The following PRDM10 variants were observed in gnomAD, a reference collection of about 807,000 sequenced individuals.
The protein encoded by PRDM10 is PR/SET domain 10, also known as PR domain zinc finger protein 10.
Under a neutral mutation model 133.1 loss-of-function variants are expected in PRDM10, and 65 were observed. The ratio of observed to expected loss-of-function variants is 0.49; its 90% CI spans 0.40 to 0.60. The LOEUF is 0.60. Among genes scored for constraint, PRDM10 ranks in the 20% least tolerant of loss-of-function variants. The pLI, the probability that PRDM10 is intolerant of heterozygous loss-of-function variation, is 0.00. For synonymous variants in PRDM10, 582 were observed against 580.4 expected (o/e 1.00, Z -0.04); for missense variants, 1,137 against 1,507.1 (o/e 0.75, Z 4.07).
chr11:129,944,878 C>G lies in PRDM10; in HGVS notation c.655G>C (p.Gly219Arg), dbSNP rs1182285929. ...PLVLYIDRFL[G>R]GVFSKRRIPK... is the part of the protein sequence containing the mutation. The stretch of plus-strand genomic sequence containing the variant: ...ATGCGCCGCTTGGAGAACACCCCGC[C>G]CAGAAACCTGTCTATGTAGAGCACC... The change falls in exon 6 of 21, where the codon GGC becomes CGC. Residue 219 changes from glycine to arginine, a missense_variant. By Grantham distance (125) the Gly-to-Arg change is moderately radical. Around this residue, in one of 6 missense-constraint regions of PRDM10, gnomAD observed 635 missense variants for 835.2 expected, o/e 0.76. Transcript: ENST00000360871. The G allele has an allele frequency of 6.2e-7, 1 of 1,614,160 alleles. No individual in the cohort carries two copies. The highest frequency in any genetic ancestry group is 1.7e-5 in the Admixed American group (1 of 60,024).
intron 1 of PRDM10, among the ~76,000 whole-genome samples, chr11:129,990,768 C>T (rs968365954): frequency 2.0e-5 from 3 of 152,102 alleles, no homozygotes; most frequent in Non-Finnish European, 4.4e-5. Flanking sequence ...CCACTATGCC[C>T]GGGTCCTCAC....
intron 17 of PRDM10, among the ~76,000 whole-genome samples, chr11:129,912,481 G>T (rs1422671643): frequency 6.6e-6 from 1 of 152,208 alleles, no homozygotes; most frequent in South Asian, 2.1e-4. Flanking sequence ...GCCGGGCGCC[G>T]TGGCTCACGC....
Position 129,918,648 on chromosome 11 carries a change from C to T in PRDM10, c.2105G>A (p.Arg702His), listed in dbSNP as rs200278867. The change falls in exon 14 of 21, where the codon CGC becomes CAC. Residue 702 changes from arginine to histidine, a missense_variant. Transcript: ENST00000360871. This position sits in a 1 kb window ranked among gnomAD's most constrained non-coding sequence, Gnocchi z 5.3. ...NPEREAKKADRISRSKTFKPR... is the reference protein window; with the variant it reads ...NPEREAKKADHISRSKTFKPR... ...CTTGAACGTCTTGGAGCGGCTGATG[C>T]GGTCGGCTTTCTTGGCCTCCCTCTC... 153 of 1,613,962 alleles carry T rather than the reference C, an allele frequency of 9.5e-5. No homozygotes were observed. Among genetic ancestry groups the T allele is most frequent in the Non-Finnish European group, 1.2e-4 (144 of 1,179,964 alleles).
At chr11:129,940,324 T>A (rs1951167122) in intron 7 of PRDM10, among the ~76,000 whole-genome samples, 1 of 152,190 alleles carries the variant, frequency 6.6e-6, no homozygotes, top group Non-Finnish European at 1.5e-5. Flanking sequence ...TCTAGTACTG[T>A]CTTCTTTTTA....
chr11:129,968,907 C>A (rs191876696), intron 1 of PRDM10, among the ~76,000 whole-genome samples: 31 of 152,300 alleles, frequency 2.0e-4, no homozygotes, highest in African/African-American at 4.8e-4. Context: ...ATCATAACAA[C>A]ATCAAAAAAA....
At chr11:129,990,028 C>A (rs2135990704) in intron 1 of PRDM10, among the ~76,000 whole-genome samples, 1 of 151,996 alleles carries the variant, frequency 6.6e-6, no homozygotes, top group East Asian at 1.9e-4. Flanking sequence ...TATGGCGAAA[C>A]CCCATCTCTA....
At chr11:129,935,440 A>G (rs962493766) in intron 8 of PRDM10, among the ~76,000 whole-genome samples, 4 of 152,194 alleles carry the variant, frequency 2.6e-5, no homozygotes, top group African/African-American at 9.7e-5. Context: ...ACAAGACATC[A>G]AAGGAACAAG....
intron 4 of PRDM10, among the ~76,000 whole-genome samples, chr11:129,952,111 T>C (rs1285164589): frequency 1.3e-5 from 2 of 152,214 alleles, no homozygotes; most frequent in African/African-American, 2.4e-5. Flanking sequence ...TACACTGTCT[T>C]GTAATGTCAG....
chr11:129,994,059 A>G (rs987672055), intron 1 of PRDM10, among the ~76,000 whole-genome samples: 2 of 152,210 alleles, frequency 1.3e-5, no homozygotes, highest in Non-Finnish European at 1.5e-5. Context: ...AGAATTTTCT[A>G]TATCTGTTAT....
chr11:129,910,778 A>AT (rs550056556), intron 18 of PRDM10, 122 bp from the exon 19 acceptor site: 11,975 of 875,268 alleles, frequency 0.014, no homozygotes, highest in South Asian at 0.02. Flanking sequence ...TATCGTTGCT[A>AT]TTTTTTTTTT....
At chr11:129,990,170 T>C (rs1329165640) in intron 1 of PRDM10, among the ~76,000 whole-genome samples, 2 of 151,354 alleles carry the variant, frequency 1.3e-5, no homozygotes, top group Non-Finnish European at 2.9e-5. Flanking sequence ...ATGGTGAAAC[T>C]CCGTCTCTAC....
At chr11:129,938,225 C>A (rs1048723119) in intron 7 of PRDM10, among the ~76,000 whole-genome samples, 1 of 151,738 alleles carries the variant, frequency 6.6e-6, no homozygotes, top group African/African-American at 2.4e-5. Flanking sequence ...TCATTTCCAA[C>A]CAACTCTATG....
chr11:129,931,069 G>C lies in PRDM10; in HGVS notation c.1477C>G (p.Pro493Ala), dbSNP rs1473910146. 14 of 1,614,154 alleles carry C rather than the reference G, an allele frequency of 8.7e-6. No individual in the cohort carries two copies. The highest frequency in any genetic ancestry group is 1.2e-5 in the Non-Finnish European group (14 of 1,180,020). ...TCGGCTGTCAGCGTGCTCTGGGTGGGCACCACGCTCTCTTCATGCTGCGGC... is the reference window on the plus strand; with the variant it reads ...TCGGCTGTCAGCGTGCTCTGGGTGGCCACCACGCTCTCTTCATGCTGCGGC... The part of the protein sequence containing the change: ...LQPQHEESVV[P>A]TQSTLTADDM... Residue 493 changes from proline (P) to alanine (A), a missense_variant, in exon 11 of 21, where the codon CCC becomes GCC. Pro to Ala is a conservative substitution (Grantham distance 27). Coordinates refer to ENST00000360871, the MANE Select transcript of PRDM10 (RefSeq NM_199437.2).
At chr11:129,931,685 G>A (rs1950870326) in intron 10 of PRDM10, among the ~76,000 whole-genome samples, 2 of 151,128 alleles carry the variant, frequency 1.3e-5, no homozygotes, top group African/African-American at 2.4e-5. Context: ...TCCTGCCTCC[G>A]CCTCCCGAGT....
At chr11:129,992,722 T>A (rs1938820870) in intron 1 of PRDM10, among the ~76,000 whole-genome samples, 1 of 152,196 alleles carries the variant, frequency 6.6e-6, no homozygotes, top group African/African-American at 2.4e-5. Context: ...TTGTAAAAAT[T>A]CAAATAATTT....
chr11:129,927,744 AC>A (rs1343436082), intron 11 of PRDM10, among the ~76,000 whole-genome samples: 2 of 152,142 alleles, frequency 1.3e-5, no homozygotes, highest in Non-Finnish European at 2.9e-5. Flanking sequence ...ATCTAATGAT[AC>A]TAATGGGATG....
Position 129,938,873 on chromosome 11 carries a change from C to T in PRDM10, c.967-1203G>A, listed in dbSNP as rs990674725. ...ACTCAGCCCTTGTCAGTCTCCCTGA[C>T]CCACGCTTCAGTCAACAGGGCCTGC... On this transcript the variant is annotated intron_variant, in intron 7 of 20. Transcript: ENST00000360871. Among the ~76,000 whole-genome samples, 8 of 152,318 alleles carry T rather than the reference C, an allele frequency of 5.3e-5. No individual in the cohort carries two copies. The South Asian group carries it at 1.0e-3, about 20-fold the overall frequency.
At chr11:130,002,192 C>A (rs1939445304) in intron 1 of PRDM10, among the ~76,000 whole-genome samples, 1 of 147,840 alleles carries the variant, frequency 6.8e-6, no homozygotes, top group Non-Finnish European at 1.5e-5. Flanking sequence ...GGAGACCTGC[C>A]CGCCGCGCCC....
At chr11:129,981,318 C>T (rs748797381) in intron 1 of PRDM10, among the ~76,000 whole-genome samples, 30 of 152,076 alleles carry the variant, frequency 2.0e-4, no homozygotes, top group Admixed American at 1.2e-3. Context: ...AAAAGTTACC[C>T]TCTCTCCCAC....
Sources: gnomAD v4.1 joint callset for allele counts (sites outside exome capture counted in the v4.1 genomes callset) on GRCh38, gnomAD v4.1.1 for gene constraint, gnomAD v4.1.1 regional missense constraint, Gnocchi (gnomAD v3.1) non-coding constraint, MANE v1.5 for transcripts, NCBI Gene and HGNC (gene_info 2026-07-23, HGNC 2026-07-21) for gene names.